Variants in ARHGAP5 observed in about 807,000 individuals in gnomAD.
The protein encoded by ARHGAP5 is rho GTPase-activating protein 5.
In ARHGAP5, 23 loss-of-function variants were observed where a neutral mutation model predicts 116.6. The ratio of observed to expected loss-of-function variants is 0.20; its 90% CI spans 0.14 to 0.28. ARHGAP5 has a LOEUF of 0.28. Among genes scored for constraint, ARHGAP5 ranks in the 10% least tolerant of loss-of-function variants. ARHGAP5 has a pLI of 1.00. For missense variants in ARHGAP5, 1,405 were observed against 1,774.8 expected, an observed-to-expected ratio of 0.79 and a Z score of 3.74; for synonymous variants, 574 against 602.0, an observed-to-expected ratio of 0.95 and a Z score of 0.68.
At chr14:32,149,600 A>G (rs991692826) in intron 4 of ARHGAP5, among the ~76,000 whole-genome samples, 2 of 151,700 alleles carry the variant, frequency 1.3e-5, no homozygotes, top group East Asian at 1.9e-4. Context: ...GTGAAACCCC[A>G]TGTCTACTAA....
Position 32,152,491 on chromosome 14 carries a change from T to C in ARHGAP5, c.4144T>C (p.Tyr1382His). ...TGTTAAGAAATTTCATCCTGTAAACTATGATGTATTCAGATACGTGATAAC... is the reference window on the plus strand; with the variant it reads ...TGTTAAGAAATTTCATCCTGTAAACCATGATGTATTCAGATACGTGATAAC... The part of the protein sequence containing the change: ...EIVKKFHPVN[Y>H]DVFRYVITHL... The change falls in exon 6 of 7, where the codon TAT (tyrosine) becomes CAT (histidine). Residue 1382 changes from tyrosine (Y) to histidine (H), a missense_variant. This residue lies in a region of ARHGAP5 where 176 missense variants were observed against 221.2 expected (regional missense o/e 0.80). Coordinates refer to ENST00000345122, the MANE Select transcript of ARHGAP5 (RefSeq NM_001030055.2). 1.2e-6 allele frequency: 2 copies of C among 1,604,634 alleles called. No individual in the cohort carries two copies. Among genetic ancestry groups the C allele is most frequent in the East Asian group, 2.2e-5 (1 of 44,600 alleles).
chr14:32,099,092 G>A (rs540855909), intron 2 of ARHGAP5, among the ~76,000 whole-genome samples: 12 of 152,200 alleles, frequency 7.9e-5, no homozygotes, highest in East Asian at 7.7e-4. Flanking sequence ...TACCTAAAAC[G>A]CATAGGATGT....
At chr14:32,127,249 A>C (rs1195697266) in intron 3 of ARHGAP5, among the ~76,000 whole-genome samples, 1 of 151,922 alleles carries the variant, frequency 6.6e-6, no homozygotes, top group Non-Finnish European at 1.5e-5. Context: ...TCATAGGACA[A>C]CAGTGGAGAG....
chr14:32,119,175 CT>C (rs1418101688), intron 3 of ARHGAP5, among the ~76,000 whole-genome samples: 1 of 151,876 alleles, frequency 6.6e-6, no homozygotes, highest in Non-Finnish European at 1.5e-5. Context: ...TCCTAATTGC[CT>C]ACGAGATTGT....
In ARHGAP5 at chr14:32,090,569, C is replaced by T. The variant is rs1169770167; in HGVS notation, c.-101C>T. The T allele has an allele frequency of 1.9e-6, 2 of 1,066,352 alleles. No homozygotes were observed. Among genetic ancestry groups the T allele is most frequent in the Admixed American group, 2.4e-5 (1 of 41,118 alleles). The allele number at this position is 1,066,352 out of a possible 1,614,324, so 66.1% of individuals were successfully genotyped here. On this transcript the variant is annotated 5_prime_UTR_variant, in exon 2 of 7. It introduces an in-frame stop codon into an upstream open reading frame of the 5' UTR. Coordinates refer to ENST00000345122, the MANE Select transcript of ARHGAP5 (RefSeq NM_001030055.2). ...TGAGGGAAATACAAAGAACCAAATA[C>T]AGTTCTGAAATTTGGGATCTGTATT...
At chr14:32,136,430 A>T (rs560189690) in intron 3 of ARHGAP5, among the ~76,000 whole-genome samples, 2 of 152,232 alleles carry the variant, frequency 1.3e-5, no homozygotes, top group African/African-American at 4.8e-5. Context: ...TCCTCATTAT[A>T]GCATGTATCA....
chr14:32,092,302 C>G lies in ARHGAP5; in HGVS notation c.1633C>G (p.His545Asp). ...TGATAGGGAATCCCTTCTACTTAAG[C>G]ATATAGGATTTGTTTATCATCCCAC... is the stretch of plus-strand genomic sequence containing the variant. ...APDRESLLLK[H>D]IGFVYHPTKE... is the part of the protein sequence containing the mutation. The change falls in exon 2 of 7, where the codon CAT becomes GAT. Residue 545 changes from histidine to aspartate, a missense_variant. Coordinates refer to ENST00000345122, the MANE Select transcript of ARHGAP5 (RefSeq NM_001030055.2). This position sits in a 1 kb window ranked among gnomAD's most constrained non-coding sequence, Gnocchi z 4.1. 6.2e-7 allele frequency: 1 copy of G among 1,613,740 alleles called. No homozygotes were observed. Among genetic ancestry groups the G allele is most frequent in the Non-Finnish European group, 8.5e-7 (1 of 1,179,794 alleles).
chr14:32,154,448 C>G, intron 6 of ARHGAP5, 173 bp from the exon 7 acceptor site: 1 of 613,746 alleles, frequency 1.6e-6, no homozygotes. Context: ...TGCACCTGGC[C>G]CAGGAAAAGT....
intron 3 of ARHGAP5, among the ~76,000 whole-genome samples, chr14:32,126,796 G>C (rs75721766): frequency 3.1e-4 from 47 of 151,158 alleles, no homozygotes; most frequent in South Asian, 1.9e-3. Context: ...TCTTTTTTTG[G>C]GGGGGGAGTA....
At chr14:32,077,753 C>T (rs546449050) in intron 1 of ARHGAP5, among the ~76,000 whole-genome samples, 10 of 152,046 alleles carry the variant, frequency 6.6e-5, no homozygotes, top group Non-Finnish European at 1.2e-4. Flanking sequence ...GCCAGGCGTC[C>T]GCTCTCGCCC....
In ARHGAP5 at chr14:32,091,532, C is replaced by G; in HGVS notation, c.863C>G (p.Ala288Gly). The change falls in exon 2 of 7, where the codon GCA (alanine) becomes GGA (glycine). Residue 288 changes from alanine (A) to glycine (G), a missense_variant. Transcript: ENST00000345122. ...GTGCAGACTGTGAGAGATTATCATGCAACTTGGAAAACTGTTAGTAATAAA... is the reference window on the plus strand; with the variant it reads ...GTGCAGACTGTGAGAGATTATCATGGAACTTGGAAAACTGTTAGTAATAAA... ...KLVQTVRDYHATWKTVSNKLK... is the reference protein window; with the variant it reads ...KLVQTVRDYHGTWKTVSNKLK... 6.2e-7 allele frequency: 1 copy of G among 1,612,678 alleles called. No individual in the cohort carries two copies. Among genetic ancestry groups the G allele is most frequent in the Non-Finnish European group, 8.5e-7 (1 of 1,179,406 alleles).
At chr14:32,095,397 CTT>C (rs1423534560) in intron 2 of ARHGAP5, among the ~76,000 whole-genome samples, 1 of 140,968 alleles carries the variant, frequency 7.1e-6, no homozygotes. Flanking sequence ...GGCATGTAAA[CTT>C]TGTTTTTTTT....
intron 3 of ARHGAP5, among the ~76,000 whole-genome samples, chr14:32,130,468 C>T (rs1465344554): frequency 6.6e-6 from 1 of 151,650 alleles, no homozygotes; most frequent in Admixed American, 6.6e-5. Context: ...GTCATCCTTC[C>T]ACCTCGGCCT....
chr14:32,107,742 G>T (rs1594359434), intron 2 of ARHGAP5, among the ~76,000 whole-genome samples: 1 of 152,158 alleles, frequency 6.6e-6, no homozygotes, highest in African/African-American at 2.4e-5. Context: ...AAAGACAACT[G>T]CTTTTTATGT....
intron 3 of ARHGAP5, among the ~76,000 whole-genome samples, chr14:32,131,635 C>T (rs887794562): frequency 6.6e-6 from 1 of 152,048 alleles, no homozygotes; most frequent in Non-Finnish European, 1.5e-5. Flanking sequence ...GCACAACGTG[C>T]AGGTTTGTTA....
At chr14:32,110,569 G>T (rs949090173) in intron 2 of ARHGAP5, among the ~76,000 whole-genome samples, 1 of 152,144 alleles carries the variant, frequency 6.6e-6, no homozygotes, top group Admixed American at 6.5e-5. Context: ...TGAGGAAGGC[G>T]TAAATGATGA....
intron 6 of ARHGAP5, 47 bp downstream of exon 6, chr14:32,152,575 C>T (rs1881693092): frequency 1.0e-6 from 1 of 970,186 alleles, no homozygotes; most frequent in Non-Finnish European, 1.5e-6. Context: ...ATGCACTACA[C>T]ATTTCAAACA....
intron 4 of ARHGAP5, among the ~76,000 whole-genome samples, chr14:32,147,062 A>C (rs1329792509): frequency 6.6e-6 from 1 of 152,224 alleles, no homozygotes; most frequent in Non-Finnish European, 1.5e-5. Context: ...TTGACTTATG[A>C]TTGATCGGCA....
chr14:32,158,918 G>A lies in ARHGAP5; in HGVS notation c.*3970G>A, dbSNP rs527540032. On this transcript the variant is annotated 3_prime_UTR_variant, in exon 7 of 7. Coordinates refer to ENST00000345122, the MANE Select transcript of ARHGAP5 (RefSeq NM_001030055.2). Reference sequence around the variant, plus strand: ...TTAAAATCTAATTAATTAACTTTGGGAGTCTTCACTATTCAATTGATCCTC... The same window carrying A: ...TTAAAATCTAATTAATTAACTTTGGAAGTCTTCACTATTCAATTGATCCTC... The A allele has an allele frequency of 1.2e-4, 18 of 152,024 alleles. No individual in the cohort carries two copies. The South Asian group carries it at 3.7e-3, about 32-fold the overall frequency. 9.4% of individuals were successfully genotyped at this position (152,024 alleles called of 1,614,324 possible).
Sources: gnomAD v4.1 joint callset for allele counts (sites outside exome capture counted in the v4.1 genomes callset) on GRCh38, gnomAD v4.1.1 for gene constraint, gnomAD v4.1.1 regional missense constraint, Gnocchi (gnomAD v3.1) non-coding constraint, MANE v1.5 for transcripts, NCBI Gene and HGNC (gene_info 2026-07-23, HGNC 2026-07-21) for gene names.